GPHN: variants seen among roughly 807,000 people sequenced by gnomAD.
GPHN encodes the protein gephyrin.
Under a neutral mutation model 95.5 loss-of-function variants are expected in GPHN, and 17 were observed. The observed-to-expected ratio is 0.18, with a 90% CI of 0.12 to 0.27. The LOEUF is 0.27. Among genes scored for constraint, GPHN ranks in the 10% least tolerant of loss-of-function variants. The pLI is 1.00. For synonymous variants in GPHN, 320 were observed against 322.5 expected (o/e 0.99, Z 0.08); for missense variants, 660 against 978.1 (o/e 0.67, Z 4.34).
intron 3 of GPHN, among the ~76,000 whole-genome samples, chr14:66,816,010 C>G (rs2060950340): frequency 6.6e-6 from 1 of 152,106 alleles, no homozygotes; most frequent in Admixed American, 6.5e-5. Context: ...GGTTGCAGTT[C>G]TACTTTCCGA....
intron 1 of GPHN, among the ~76,000 whole-genome samples, chr14:66,647,046 G>A (rs1433995463): frequency 4.1e-4 from 61 of 148,676 alleles, no homozygotes; most frequent in Admixed American, 4.1e-3. Flanking sequence ...ACAGGCACAT[G>A]CCACCATACC....
chr14:66,706,419 A>G (rs2069086343), intron 2 of GPHN, among the ~76,000 whole-genome samples: 1 of 152,188 alleles, frequency 6.6e-6, no homozygotes, highest in African/African-American at 2.4e-5. Flanking sequence ...ACTATACTAC[A>G]AGGCTACAAT....
intron 12 of GPHN, among the ~76,000 whole-genome samples, chr14:67,096,546 C>A (rs143656004): frequency 6.6e-5 from 10 of 151,754 alleles, no homozygotes; most frequent in African/African-American, 2.4e-4. Flanking sequence ...TTATTATCAG[C>A]GATGACTTAG....
chr14:66,904,747 G>T (rs1339500568), intron 5 of GPHN, among the ~76,000 whole-genome samples: 1 of 152,150 alleles, frequency 6.6e-6, no homozygotes, highest in Non-Finnish European at 1.5e-5. Flanking sequence ...GAACTCTCTA[G>T]GCCAGCCAAA....
the GPHN span, chr14:67,392,432 G>A: frequency 5.0e-6 from 8 of 1,600,340 alleles, no homozygotes; most frequent in African/African-American, 2.7e-5. Flanking sequence ...CTCAGCCTAG[G>A]GGGAAGGAGG....
At chr14:67,136,175 G>C (rs2080067453) in intron 17 of GPHN, among the ~76,000 whole-genome samples, 1 of 152,078 alleles carries the variant, frequency 6.6e-6, no homozygotes, top group Non-Finnish European at 1.5e-5. Context: ...TAGGTTGCTG[G>C]TATTTTCCTC....
At chr14:66,854,817 T>G (rs1410868750) in intron 4 of GPHN, among the ~76,000 whole-genome samples, 1 of 152,066 alleles carries the variant, frequency 6.6e-6, no homozygotes, top group Non-Finnish European at 1.5e-5. Context: ...TGGCAAAATA[T>G]GTATAGCACA....
At chr14:67,531,680 C>T in the GPHN span, among the ~76,000 whole-genome samples, 1 of 149,542 alleles carries the variant, frequency 6.7e-6, no homozygotes, top group African/African-American at 2.5e-5. Flanking sequence ...TTTGGGAGGC[C>T]GAGGCAGGAG....
At chr14:67,306,753 C>T in the GPHN span, among the ~76,000 whole-genome samples, 2 of 152,136 alleles carry the variant, frequency 1.3e-5, no homozygotes, top group Non-Finnish European at 2.9e-5. Context: ...TTAAAATGAA[C>T]TGCTATTATT....
the GPHN span, among the ~76,000 whole-genome samples, chr14:67,625,537 G>A: frequency 5.3e-5 from 8 of 151,752 alleles, no homozygotes; most frequent in East Asian, 1.9e-4. Context: ...AAAATTAGCC[G>A]GGCATGGTGG....
the GPHN span, among the ~76,000 whole-genome samples, chr14:67,322,516 C>T: frequency 6.6e-6 from 1 of 152,056 alleles, no homozygotes. Context: ...AGTCAGTGGT[C>T]ATTAAAGAGA....
At chr14:67,506,526 C>A in the GPHN span, among the ~76,000 whole-genome samples, 1 of 152,102 alleles carries the variant, frequency 6.6e-6, no homozygotes, top group Non-Finnish European at 1.5e-5. Context: ...TGGTACCCCC[C>A]ATAAAAATAA....
chr14:66,774,989 A>G (rs950275572), intron 2 of GPHN, among the ~76,000 whole-genome samples: 8 of 152,150 alleles, frequency 5.3e-5, no homozygotes, highest in Non-Finnish European at 1.2e-4. Context: ...TGCCACTGAA[A>G]TTGTGAGATT....
the GPHN span, among the ~76,000 whole-genome samples, chr14:67,566,513 A>AGT: frequency 6.6e-6 from 1 of 152,138 alleles, no homozygotes; most frequent in Non-Finnish European, 1.5e-5. Context: ...GGGAGGCAGA[A>AGT]GCAGGTAGAC....
At chr14:66,726,301 T>C (rs1245594037) in intron 2 of GPHN, among the ~76,000 whole-genome samples, 1 of 152,168 alleles carries the variant, frequency 6.6e-6, no homozygotes, top group African/African-American at 2.4e-5. Context: ...AGCAGTAGCA[T>C]AATAGCAAAA....
chr14:66,613,321 A>G (rs1158015892), intron 1 of GPHN, among the ~76,000 whole-genome samples: 1 of 152,106 alleles, frequency 6.6e-6, no homozygotes, highest in African/African-American at 2.4e-5. Flanking sequence ...TTTTCTCCTT[A>G]AGGCACACCA....
the GPHN span, among the ~76,000 whole-genome samples, chr14:67,195,713 T>TTGTGTG: frequency 0.025 from 3,611 of 143,230 alleles, 84 homozygotes; most frequent in African/African-American, 0.063. Flanking sequence ...TTCTTTTTGG[T>TTGTGTG]TGTGTGTGTG....
the GPHN span, among the ~76,000 whole-genome samples, chr14:67,197,899 T>G: frequency 1.2e-4 from 19 of 152,160 alleles, no homozygotes; most frequent in African/African-American, 3.9e-4. Flanking sequence ...TCATCCAACA[T>G]CTTGTCTGAG....
the GPHN span, chr14:67,578,295 AG>A: frequency 1.8e-6 from 2 of 1,101,978 alleles, no homozygotes; most frequent in African/African-American, 1.5e-5. The surrounding 1 kb of genome is among the most constrained non-coding windows in gnomAD (Gnocchi z 5.0). Context: ...GTATACGGTG[AG>A]CCCAGCCAGC....
Sources: gnomAD v4.1 joint callset for allele counts (sites outside exome capture counted in the v4.1 genomes callset) on GRCh38, gnomAD v4.1.1 for gene constraint, Gnocchi (gnomAD v3.1) non-coding constraint, MANE v1.5 for transcripts, NCBI Gene and HGNC (gene_info 2026-07-23, HGNC 2026-07-21) for gene names.